The following ARHGDIB variants were observed in gnomAD, a reference collection of about 807,000 sequenced individuals.
ARHGDIB encodes the protein rho GDP-dissociation inhibitor 2.
In ARHGDIB, 20 loss-of-function variants were observed where a neutral mutation model predicts 22.6. That is an observed-to-expected ratio of 0.88 (90% confidence interval 0.62 to 1.28). ARHGDIB has a LOEUF of 1.28. Among genes scored for constraint, ARHGDIB ranks in the 50% most tolerant of loss-of-function variants. ARHGDIB has a pLI of 0.00. For synonymous variants in ARHGDIB, 114 were observed against 96.1 expected (o/e 1.19, Z -1.09); for missense variants, 254 against 245.4 (o/e 1.04, Z -0.23).
intron 5 of ARHGDIB, among the ~76,000 whole-genome samples, chr12:14,943,377 G>GTTTTTTTTTTTTT (rs10713403): frequency 6.9e-6 from 1 of 143,888 alleles, no homozygotes; most frequent in African/African-American, 2.6e-5. Flanking sequence ...GATTAAGCCT[G>GTTTTTTTTTTTTT]TTTTTTTTTT....
chr12:14,958,081 A>G (rs1864338092), intron 1 of ARHGDIB, among the ~76,000 whole-genome samples: 1 of 152,198 alleles, frequency 6.6e-6, no homozygotes. Flanking sequence ...GAGTCAGGCC[A>G]TCTCTAAAAC....
intron 1 of ARHGDIB, among the ~76,000 whole-genome samples, chr12:14,952,602 C>T (rs58231089): frequency 0.015 from 2,238 of 152,204 alleles, 44 homozygotes; most frequent in African/African-American, 0.049. Flanking sequence ...AAGGAGGCAG[C>T]GTGTAGATGT....
intron 3 of ARHGDIB, among the ~76,000 whole-genome samples, chr12:14,949,106 T>TC (rs948627535): frequency 6.6e-6 from 1 of 151,542 alleles, no homozygotes; most frequent in Admixed American, 6.6e-5. Flanking sequence ...ATTTTTTTTT[T>TC]CCACTAAAAA....
At chr12:14,947,514 G>C (rs1296077761) in intron 4 of ARHGDIB, among the ~76,000 whole-genome samples, 1 of 152,180 alleles carries the variant, frequency 6.6e-6, no homozygotes, top group African/African-American at 2.4e-5. Context: ...TATTGGAAAG[G>C]AGAGATGTAC....
chr12:14,960,565 G>A (rs141424357), intron 1 of ARHGDIB, among the ~76,000 whole-genome samples: 3 of 152,282 alleles, frequency 2.0e-5, no homozygotes, highest in Admixed American at 6.5e-5. Flanking sequence ...GTGCAATGGC[G>A]TGATCTTGGC....
chr12:14,954,696 C>G (rs1393747282), intron 1 of ARHGDIB, among the ~76,000 whole-genome samples: 3 of 152,198 alleles, frequency 2.0e-5, no homozygotes, highest in Non-Finnish European at 2.9e-5. Flanking sequence ...TTTCTCCTGA[C>G]CTGCAGTCAT....
intron 5 of ARHGDIB, among the ~76,000 whole-genome samples, chr12:14,943,448 T>C (rs1316359755): frequency 6.6e-6 from 1 of 151,306 alleles, no homozygotes; most frequent in Non-Finnish European, 1.5e-5. Context: ...TTTAAAAAAC[T>C]CAGACAAATT....
intron 1 of ARHGDIB, among the ~76,000 whole-genome samples, chr12:14,958,345 C>G (rs1356311013): frequency 6.6e-6 from 1 of 152,118 alleles, no homozygotes; most frequent in East Asian, 1.9e-4. Flanking sequence ...TGAGAAAAAC[C>G]AAAGACAAGA....
chr12:14,957,110 A>G (rs1460877093), intron 1 of ARHGDIB, among the ~76,000 whole-genome samples: 1 of 152,204 alleles, frequency 6.6e-6, no homozygotes, highest in Admixed American at 6.5e-5. Flanking sequence ...GTCTCATAGA[A>G]CATAGATTGA....
At chr12:14,948,100 G>GCGCGCGCACACACACACACACACACACA (rs71926892) in intron 3 of ARHGDIB, 151 bp from the exon 4 acceptor site, 1 of 410,012 alleles carries the variant, frequency 2.4e-6, no homozygotes, top group African/African-American at 2.1e-5. Flanking sequence ...TTTAGTCCTT[G>GCGCGCGCACACACACACACACACACACA]CACACACACA....
intron 3 of ARHGDIB, 96 bp downstream of exon 3, chr12:14,949,706 T>C (rs1359762181): frequency 9.3e-7 from 1 of 1,070,212 alleles, no homozygotes; most frequent in East Asian, 2.4e-5. Flanking sequence ...ATCTCTCTGA[T>C]TCACCAGTTT....
rs771982112 is a variant in ARHGDIB at position 14,942,554 on chromosome 12, T to C, written c.574A>G (p.Asn192Asp). 1.2e-6 allele frequency: 2 copies of C among 1,613,996 alleles called. No homozygotes were observed. Among genetic ancestry groups the C allele is most frequent in the Admixed American group, 1.7e-5 (1 of 60,000 alleles). Reference sequence around the variant, plus strand: ...GTCCACTCCTTCTTAATCGACAGGTTCCACTCCCAGCTGAGGTGGTCTTGC... The same window carrying C: ...GTCCACTCCTTCTTAATCGACAGGTCCCACTCCCAGCTGAGGTGGTCTTGC... ...DKQDHLSWEW[N>D]LSIKKEWTE The change falls in exon 6 of 6, where the codon AAC becomes GAC. Residue 192 changes from asparagine (N) to aspartate (D), a missense_variant. By Grantham distance (23) the Asn-to-Asp change is conservative. Coordinates refer to ENST00000228945, the MANE Select transcript of ARHGDIB (RefSeq NM_001175.7).
chr12:14,960,564 C>T (rs867030811), intron 1 of ARHGDIB, among the ~76,000 whole-genome samples: 3 of 152,172 alleles, frequency 2.0e-5, no homozygotes, highest in Non-Finnish European at 2.9e-5. Flanking sequence ...AGTGCAATGG[C>T]GTGATCTTGG....
intron 1 of ARHGDIB, among the ~76,000 whole-genome samples, chr12:14,955,873 T>C (rs1224143929): frequency 2.0e-5 from 3 of 152,234 alleles, no homozygotes; most frequent in African/African-American, 4.8e-5. Flanking sequence ...CTGATTTTCC[T>C]ATTGATAATA....
At chr12:14,945,224 T>C (rs1169428643) in intron 4 of ARHGDIB, among the ~76,000 whole-genome samples, 1 of 152,168 alleles carries the variant, frequency 6.6e-6, no homozygotes, top group Admixed American at 6.5e-5. Flanking sequence ...GGAAAAGTTA[T>C]GAAGATACCA....
intron 4 of ARHGDIB, 92 bp downstream of exon 4, chr12:14,947,781 A>G (rs1864055497): frequency 2.6e-6 from 3 of 1,170,760 alleles, no homozygotes; most frequent in Non-Finnish European, 3.8e-6. Flanking sequence ...GAAACAAACA[A>G]AAAGTACCTC....
Position 14,942,302 on chromosome 12 carries a change from C to G in ARHGDIB, c.*220G>C. 3.5e-6 allele frequency: 2 copies of G among 571,164 alleles called. No homozygotes were observed. Among genetic ancestry groups the G allele is most frequent in the Non-Finnish European group, 6.3e-6 (2 of 318,526 alleles). The allele number at this position is 571,164 out of a possible 1,614,324, so 35.4% of individuals were successfully genotyped here. On this transcript the variant is annotated 3_prime_UTR_variant, in exon 6 of 6. Transcript: ENST00000228945. ...AGATGGAGACGTGGAAGATCTGGCCCTGATGGAGGATCAGAGGGAGCAGGT... is the reference window on the plus strand; with the variant it reads ...AGATGGAGACGTGGAAGATCTGGCCGTGATGGAGGATCAGAGGGAGCAGGT...
rs185535091 is a variant in ARHGDIB at position 14,942,901 on chromosome 12, T to C, written c.407-180A>G. 2.6e-3 allele frequency among the ~76,000 whole-genome samples: 390 copies of C among 151,892 alleles called. 2 individuals carry two copies. Among genetic ancestry groups the C allele is most frequent in the African/African-American group, 8.8e-3 (363 of 41,406 alleles). On this transcript the variant is annotated intron_variant, in intron 5 of 5. Coordinates refer to ENST00000228945, the MANE Select transcript of ARHGDIB (RefSeq NM_001175.7). ...TTTTTTTTTTAAGATGGAGTTTTGC[T>C]CTTGTTGTCCAGGCTGGAGTGCGGA...
chr12:14,945,116 AATATT>A (rs1455375439), intron 4 of ARHGDIB, among the ~76,000 whole-genome samples: 1 of 152,288 alleles, frequency 6.6e-6, no homozygotes, highest in East Asian at 1.9e-4. Flanking sequence ...ACATTGGCCC[AATATT>A]CTTCATTGTA....
Sources: gnomAD v4.1 joint callset for allele counts (sites outside exome capture counted in the v4.1 genomes callset) on GRCh38, gnomAD v4.1.1 for gene constraint, MANE v1.5 for transcripts, NCBI Gene and HGNC (gene_info 2026-07-23, HGNC 2026-07-21) for gene names.